The following PIGP variants were observed in gnomAD, a reference collection of about 807,000 sequenced individuals.
PIGP encodes phosphatidylinositol N-acetylglucosaminyltransferase subunit P.
Under a neutral mutation model 16.9 loss-of-function variants are expected in PIGP, and 12 were observed. That is an observed-to-expected ratio of 0.71 (90% CI 0.46 to 1.15). PIGP has a LOEUF of 1.15. Among genes scored for constraint, PIGP ranks in the 50% most tolerant of loss-of-function variants. The pLI, the probability that PIGP is intolerant of heterozygous loss-of-function variation, is 0.00. For synonymous variants in PIGP, 57 were observed against 54.7 expected, an observed-to-expected ratio of 1.04 and a Z score of -0.18; for missense variants, 159 against 153.5, an observed-to-expected ratio of 1.04 and a Z score of -0.19.
chr21:37,068,487 AT>A (rs1317535339), intron 3 of PIGP, among the ~76,000 whole-genome samples: 2 of 150,548 alleles, frequency 1.3e-5, no homozygotes, highest in Non-Finnish European at 3.0e-5. Context: ...TGTTATTTAA[AT>A]TTTTTTTTCT....
intron 1 of PIGP, 131 bp downstream of exon 1, chr21:37,072,869 C>G (rs1270828287): frequency 1.4e-5 from 6 of 418,162 alleles, no homozygotes; most frequent in African/African-American, 1.1e-4. Flanking sequence ...CCTACTAGGT[C>G]GCGGCGCCCA....
chr21:37,068,949 G>C (rs1448055614), intron 3 of PIGP, among the ~76,000 whole-genome samples: 1 of 152,166 alleles, frequency 6.6e-6, no homozygotes, highest in South Asian at 2.1e-4. Flanking sequence ...CCATGCTAGA[G>C]ACTCTTACTT....
intron 2 of PIGP, among the ~76,000 whole-genome samples, chr21:37,071,943 T>A (rs914234097): frequency 3.9e-5 from 6 of 152,186 alleles, no homozygotes; most frequent in African/African-American, 1.4e-4. Flanking sequence ...ACTGGTGACA[T>A]CACAAGCTCC....
In PIGP at chr21:37,072,421, G is replaced by A. The variant is rs372129801; in HGVS notation, c.82+13C>T. Reference sequence around the variant, plus strand: ...AGAAAAAGCCCCTGGCCATCCATCAGGAAAGTACTTACTGAAGCCAAATTG... The same window carrying A: ...AGAAAAAGCCCCTGGCCATCCATCAAGAAAGTACTTACTGAAGCCAAATTG... On this transcript the variant is annotated intron_variant, in intron 2 of 4. Coordinates refer to ENST00000360525, the MANE Select transcript of PIGP (RefSeq NM_153682.3). The A allele has an allele frequency of 1.8e-5, 29 of 1,613,904 alleles. No individual in the cohort carries two copies. Among genetic ancestry groups the A allele is most frequent in the Non-Finnish European group, 2.5e-5 (29 of 1,179,916 alleles).
intron 3 of PIGP, among the ~76,000 whole-genome samples, chr21:37,067,803 A>G (rs1034620127): frequency 2.0e-5 from 3 of 152,174 alleles, no homozygotes; most frequent in African/African-American, 7.2e-5. Context: ...TTGTACCTAC[A>G]TAAACAATTT....
chr21:37,070,629 T>C (rs935543954), intron 2 of PIGP, among the ~76,000 whole-genome samples: 4 of 152,210 alleles, frequency 2.6e-5, no homozygotes, highest in African/African-American at 9.6e-5. Context: ...GCCCATTGAC[T>C]ATCTCCCCCC....
intron 3 of PIGP, among the ~76,000 whole-genome samples, chr21:37,068,823 G>A (rs1277934626): frequency 6.6e-6 from 1 of 152,072 alleles, no homozygotes; most frequent in Non-Finnish European, 1.5e-5. Context: ...AAGCCTCGAA[G>A]CCCCAAGAGG....
intron 4 of PIGP, 97 bp downstream of exon 4, chr21:37,067,165 A>T: frequency 1.4e-6 from 1 of 725,246 alleles, no homozygotes; most frequent in Non-Finnish European, 2.4e-6. Context: ...CACCACCAAC[A>T]TGGGTTTTGC....
At chr21:37,070,752 G>C (rs2069990492) in intron 2 of PIGP, among the ~76,000 whole-genome samples, 1 of 152,132 alleles carries the variant, frequency 6.6e-6, no homozygotes, top group African/African-American at 2.4e-5. Flanking sequence ...TTACTTTTTG[G>C]TTGTGGGTAT....
rs201099321 is a variant in PIGP, at chr21:37,067,271, T to C, written c.265A>G (p.Thr89Ala). The change falls in exon 4 of 5, where the codon ACA becomes GCA. Residue 89 changes from threonine to alanine, a missense_variant. By Grantham distance (58) the Thr-to-Ala change is moderately conservative. Transcript: ENST00000360525. ...MSTSPLDSIHTITDNYAKNQQ... is the reference protein window; with the variant it reads ...MSTSPLDSIHAITDNYAKNQQ... ...TTTTATATAAAGTTACCTGTGATTG[T>C]ATGGATGGAGTCGAGTGGAGAGGTA... The C allele has an allele frequency of 2.6e-6, 4 of 1,565,822 alleles. No individual in the cohort carries two copies. The highest frequency in any genetic ancestry group is 3.5e-6 in the Non-Finnish European group (4 of 1,136,194).
At chr21:37,071,604 T>G (rs1422941429) in intron 2 of PIGP, among the ~76,000 whole-genome samples, 1 of 152,236 alleles carries the variant, frequency 6.6e-6, no homozygotes, top group Admixed American at 6.5e-5. Context: ...CAAGCTGTGC[T>G]GATGGTGCAG....
intron 2 of PIGP, 90 bp downstream of exon 2, chr21:37,072,344 G>A: frequency 6.3e-7 from 1 of 1,596,598 alleles, no homozygotes; most frequent in East Asian, 2.2e-5. Context: ...AGAATCAACA[G>A]TTCATGTGTG....
chr21:37,067,244 C>T lies in PIGP; in HGVS notation c.274+18G>A. On this transcript the variant is annotated intron_variant, in intron 4 of 4. Transcript: ENST00000360525. Reference sequence around the variant, plus strand: ...CACTCTTTCATTGCCCCAGCACTTTCCTTTTATATAAAGTTACCTGTGATT... The same window carrying T: ...CACTCTTTCATTGCCCCAGCACTTTTCTTTTATATAAAGTTACCTGTGATT... 7.3e-7 allele frequency: 1 copy of T among 1,377,528 alleles called. No homozygotes were observed. The highest frequency in any genetic ancestry group is 1.0e-6 in the Non-Finnish European group (1 of 965,234). The allele number at this position is 1,377,528 out of a possible 1,614,324, so 85.3% of individuals were successfully genotyped here.
chr21:37,067,231 G>T (rs2069920577), intron 4 of PIGP, 31 bp downstream of exon 4: 4 of 1,247,858 alleles, frequency 3.2e-6, no homozygotes, highest in African/African-American at 1.5e-5. Flanking sequence ...CTCTTTCATT[G>T]CCCCAGCACT....
rs148773762 is a variant in PIGP, at chr21:37,068,819, C to G, written c.155+733G>C. 1.8e-4 allele frequency among the ~76,000 whole-genome samples: 27 copies of G among 152,206 alleles called. No homozygotes were observed. The East Asian group carries it at 4.4e-3, about 25-fold the overall frequency. The stretch of plus-strand genomic sequence containing the variant: ...GTGAGCAGTAGGGTGATATAAGCCT[C>G]GAAGCCCCAAGAGGGAAGATGGAGC... On this transcript the variant is annotated intron_variant, in intron 3 of 4. Coordinates refer to ENST00000360525, the MANE Select transcript of PIGP (RefSeq NM_153682.3).
chr21:37,069,898 G>A (rs1483933646), intron 2 of PIGP, among the ~76,000 whole-genome samples: 1 of 151,904 alleles, frequency 6.6e-6, no homozygotes, highest in Admixed American at 6.6e-5. Context: ...AGCAATTGTT[G>A]TAATCCTTAT....
chr21:37,066,971 CGTGTGTGTGTGTGTGTGTGTGTGTGT>C (rs56940945), intron 4 of PIGP, among the ~76,000 whole-genome samples: 1 of 143,752 alleles, frequency 7.0e-6, no homozygotes, highest in African/African-American at 2.6e-5. Flanking sequence ...TTTTACTGTC[CGTGTGTGTGTGTGTGTGTGTGTGTGT>C]GTGTGTGTGT....
rs762636952 is a variant in PIGP at position 37,072,512 on chromosome 21, C to A, written c.4G>T (p.Val2Leu). 7.4e-5 allele frequency: 119 copies of A among 1,614,112 alleles called. No individual in the cohort carries two copies. The highest frequency in any genetic ancestry group is 9.5e-5 in the Non-Finnish European group (112 of 1,180,036). Reference protein sequence around the residue: MVENSPSPLPER... With the variant: MLENSPSPLPER... ...GGCAATGGCGACGGTGAATTTTCCA[C>A]CATTTTTCCTGGGGCTTTAGACAAT... Residue 2 changes from valine to leucine, a missense_variant, in exon 2 of 5, where the codon GTG (valine) becomes TTG (leucine). Val to Leu is a conservative substitution (Grantham distance 32). Transcript: ENST00000360525.
At chr21:37,068,014 T>TC (rs2146807231) in intron 3 of PIGP, among the ~76,000 whole-genome samples, 1 of 151,120 alleles carries the variant, frequency 6.6e-6, no homozygotes, top group Admixed American at 6.6e-5. Flanking sequence ...TTGAGTGTTT[T>TC]TTTTTTCTTT....
Sources: allele counts gnomAD v4.1 joint callset (sites outside exome capture counted in the v4.1 genomes callset), GRCh38; gene constraint gnomAD v4.1.1; transcripts MANE v1.5; gene names NCBI Gene and HGNC (gene_info 2026-07-23, HGNC 2026-07-21).